CATSPERB: variants seen among roughly 807,000 people sequenced by gnomAD.
CATSPERB encodes catsper channel auxiliary subunit beta, also known as cation channel sperm-associated auxiliary subunit beta.
In CATSPERB, 93 loss-of-function variants were observed where a neutral mutation model predicts 128.3. That is an observed-to-expected ratio of 0.72 (90% CI 0.61 to 0.86). The LOEUF is 0.86. Ranked by LOEUF, CATSPERB falls within the 40% of genes least tolerant of loss-of-function variation. CATSPERB has a pLI of 0.00. For missense variants in CATSPERB, 1,153 were observed against 1,329.5 expected (o/e 0.87, Z 2.06); for synonymous variants, 381 against 448.8 (o/e 0.85, Z 1.91).
intron 14 of CATSPERB, among the ~76,000 whole-genome samples, chr14:91,662,152 A>G (rs1303261260): frequency 6.6e-6 from 1 of 152,106 alleles, no homozygotes; most frequent in South Asian, 2.1e-4. Context: ...GTTTCTCCCC[A>G]TTCCTATCCC....
intron 21 of CATSPERB, among the ~76,000 whole-genome samples, 182 bp downstream of exon 21, chr14:91,610,296 ATT>A (rs1893799977): frequency 6.6e-6 from 1 of 152,224 alleles, no homozygotes; most frequent in African/African-American, 2.4e-5. Flanking sequence ...AAAAATAATT[ATT>A]TCAGAAAGCT....
At position 91,678,240 on chromosome 14, in the gene CATSPERB, A is replaced by C. The variant is rs568694444; in HGVS notation, c.932-4018T>G. ...CACTTGTATCCTGGAACTTAAAGTA[A>C]AATAAAAAACAAAACTGAACTGCCG... is the stretch of plus-strand genomic sequence containing the variant. On this transcript the variant is annotated intron_variant, in intron 11 of 26. Transcript: ENST00000256343. Among the ~76,000 whole-genome samples the C allele has an allele frequency of 6.6e-5, 10 of 152,314 alleles. No homozygotes were observed. In the East Asian group the frequency reaches 1.9e-3, roughly 29 times the overall value.
At chr14:91,631,242 T>C (rs1049181163) in intron 17 of CATSPERB, among the ~76,000 whole-genome samples, 11 of 152,378 alleles carry the variant, frequency 7.2e-5, no homozygotes, top group Admixed American at 3.3e-4. Context: ...AGACTTGATA[T>C]GTAATAGGCA....
At chr14:91,605,978 C>A (rs1354192615) in intron 22 of CATSPERB, among the ~76,000 whole-genome samples, 1 of 152,036 alleles carries the variant, frequency 6.6e-6, no homozygotes, top group Non-Finnish European at 1.5e-5. Flanking sequence ...GAGTTCGAGA[C>A]CAGCCTGGCC....
rs565826043 is a variant in CATSPERB, at chr14:91,625,551, G to A, written c.1743-544C>T. Among the ~76,000 whole-genome samples the A allele has an allele frequency of 5.6e-4, 85 of 152,184 alleles. 1 individual carries two copies. Among genetic ancestry groups the A allele is most frequent in the Non-Finnish European group, 8.7e-4 (59 of 68,040 alleles). ...ATGATTAAAAGGGTGTTTAGAAAGA[G>A]TTTTTAACAGTGTAGGGAAAATGAT... On this transcript the variant is annotated intron_variant, in intron 17 of 26. Transcript: ENST00000256343.
At chr14:91,624,043 T>C (rs143205709) in intron 18 of CATSPERB, among the ~76,000 whole-genome samples, 27 of 152,266 alleles carry the variant, frequency 1.8e-4, no homozygotes, top group African/African-American at 6.5e-4. Context: ...CTATATTTTA[T>C]TATATTAGAA....
intron 20 of CATSPERB, 26 bp from the exon 21 acceptor site, chr14:91,610,703 T>A: frequency 6.2e-7 from 1 of 1,606,138 alleles, no homozygotes; most frequent in South Asian, 1.1e-5. Context: ...TAAATGAAGG[T>A]TATTTAAAGT....
chr14:91,671,865 A>G (rs181719233), intron 13 of CATSPERB, among the ~76,000 whole-genome samples: 1,559 of 151,836 alleles, frequency 0.01, 23 homozygotes, highest in African/African-American at 0.034. Flanking sequence ...TAAAAATACA[A>G]AAAATTAGCC....
chr14:91,692,158 A>G (rs1650133943), intron 9 of CATSPERB, among the ~76,000 whole-genome samples: 5 of 149,138 alleles, frequency 3.4e-5, no homozygotes, highest in Non-Finnish European at 3.0e-5. Context: ...GCCTGGTAAC[A>G]GAGCGAGACT....
At chr14:91,686,043 G>A (rs569003534) in intron 10 of CATSPERB, among the ~76,000 whole-genome samples, 167 of 152,264 alleles carry the variant, frequency 1.1e-3, no homozygotes, top group African/African-American at 4.0e-3. Context: ...GACTGGAAAT[G>A]CTGTGTCAAA....
intron 15 of CATSPERB, among the ~76,000 whole-genome samples, chr14:91,658,650 G>T: frequency 7.1e-6 from 1 of 141,194 alleles, no homozygotes; most frequent in African/African-American, 2.6e-5. Flanking sequence ...AATATCTCAT[G>T]TATCCCATAA....
At chr14:91,644,335 G>C (rs1894552118) in intron 15 of CATSPERB, among the ~76,000 whole-genome samples, 1 of 134,960 alleles carries the variant, frequency 7.4e-6, no homozygotes. Flanking sequence ...GCATGATTTT[G>C]CAGCGGCTGG....
chr14:91,651,215 G>A (rs541141920), intron 15 of CATSPERB, among the ~76,000 whole-genome samples: 2 of 152,262 alleles, frequency 1.3e-5, no homozygotes, highest in South Asian at 4.1e-4. Flanking sequence ...AGAAGTTAAG[G>A]TAGTTTTCAT....
intron 16 of CATSPERB, among the ~76,000 whole-genome samples, chr14:91,638,291 A>G (rs1894415838): frequency 6.6e-6 from 1 of 152,212 alleles, no homozygotes; most frequent in South Asian, 2.1e-4. Context: ...ACCGGTATCA[A>G]GTGTCATCTG....
Position 91,673,034 on chromosome 14 carries a change from G to GAA in CATSPERB, c.979-20_979-19dup, listed in dbSNP as rs750894652. On this transcript the variant is annotated intron_variant, in intron 12 of 26. Transcript: ENST00000256343. ...GAGCTTGACTATAAAAAAAAGAAGG[G>GAA]AAAAATTAATGCTGTTTTTGAAATA... The GAA allele has an allele frequency of 4.5e-6, 7 of 1,554,920 alleles. No homozygotes were observed. The East Asian group carries it at 1.4e-4, about 31-fold the overall frequency.
intron 7 of CATSPERB, among the ~76,000 whole-genome samples, chr14:91,694,465 A>G (rs1045666935): frequency 2.1e-5 from 3 of 143,320 alleles, no homozygotes; most frequent in African/African-American, 7.9e-5. Context: ...AAAAAAAAAA[A>G]AGAAATCTGT....
intron 22 of CATSPERB, chr14:91,605,091 GTTGT>G: frequency 1.6e-6 from 2 of 1,249,594 alleles, no homozygotes; most frequent in Non-Finnish European, 2.4e-6. Context: ...GCAGAAGTGG[GTTGT>G]TTGCCTTTGG....
At chr14:91,617,482 T>C in intron 20 of CATSPERB, 115 bp downstream of exon 20, 2 of 675,214 alleles carry the variant, frequency 3.0e-6, no homozygotes, top group Non-Finnish European at 4.7e-6. Context: ...TATACTCTTA[T>C]GTGTGTATTT....
At chr14:91,612,071 T>TCTTTCTTTC (rs1258707153) in intron 20 of CATSPERB, among the ~76,000 whole-genome samples, 2 of 139,878 alleles carry the variant, frequency 1.4e-5, no homozygotes, top group Admixed American at 7.7e-5. Context: ...TTTCTTCCTT[T>TCTTTCTTTC]TTTTAAGAGA....
Sources: gnomAD v4.1 joint callset for allele counts (sites outside exome capture counted in the v4.1 genomes callset) on GRCh38, gnomAD v4.1.1 for gene constraint, MANE v1.5 for transcripts, NCBI Gene and HGNC (gene_info 2026-07-23, HGNC 2026-07-21) for gene names.